Variants in PIK3AP1 observed in about 807,000 individuals in gnomAD.
The protein encoded by PIK3AP1 is phosphoinositide-3-kinase adaptor protein 1, also known as phosphoinositide 3-kinase adapter protein 1.
Under a neutral mutation model 88.1 loss-of-function variants are expected in PIK3AP1, and 21 were observed. The observed-to-expected ratio is 0.24, with a 90% CI of 0.17 to 0.34. The LOEUF is 0.34. Ranked by LOEUF, PIK3AP1 falls within the 10% of genes least tolerant of loss-of-function variation. PIK3AP1 has a pLI of 1.00. For missense variants in PIK3AP1, 828 were observed against 1,035.7 expected, an observed-to-expected ratio of 0.80 and a Z score of 2.75; for synonymous variants, 398 against 400.0, an observed-to-expected ratio of 1.00 and a Z score of 0.06.
rs1284232933 is a variant in PIK3AP1, at chr10:96,609,865, A to C, written c.2017T>G (p.Leu673Val). The C allele has an allele frequency of 3.7e-6, 6 of 1,613,902 alleles. No individual in the cohort carries two copies. The highest frequency in any genetic ancestry group is 5.1e-6 in the Non-Finnish European group (6 of 1,179,938). The change falls in exon 14 of 17, where the codon TTG (leucine) becomes GTG (valine). Residue 673 changes from leucine to valine, a missense_variant and splice_region_variant. Leu to Val is a conservative substitution (Grantham distance 32, BLOSUM62 1). This residue lies in a region of PIK3AP1 where 191 missense variants were observed against 208.6 expected (regional missense o/e 0.92). Coordinates refer to ENST00000339364, the MANE Select transcript of PIK3AP1 (RefSeq NM_152309.3). ...TGCCGAATTGGGACCGTGATCTCCA[A>C]GTCTGGAATTGGAGGAAAGAGGGAT... is the stretch of plus-strand genomic sequence containing the variant. ...EKQKSGKQTD[L>V]EITVPIRHSQ...
At chr10:96,638,013 T>C (rs575838760) in intron 8 of PIK3AP1, among the ~76,000 whole-genome samples, 1 of 152,310 alleles carries the variant, frequency 6.6e-6, no homozygotes, top group East Asian at 1.9e-4. Flanking sequence ...CTACGTACTT[T>C]GGACTTCTGA....
At chr10:96,641,255 T>C (rs531953464) in intron 8 of PIK3AP1, among the ~76,000 whole-genome samples, 1 of 152,272 alleles carries the variant, frequency 6.6e-6, no homozygotes, top group South Asian at 2.1e-4. Flanking sequence ...GAGCTTCCCC[T>C]ATAAGCTTCC....
chr10:96,716,283 T>TTAAA lies in PIK3AP1; in HGVS notation c.13+4095_13+4098dup, dbSNP rs556728068. The stretch of plus-strand genomic sequence containing the variant: ...GATGACAGAGTGAGACCCTGTCTCA[T>TTAAA]TAAATAAATAAATAAATAAATAAAT... On this transcript the variant is annotated intron_variant, in intron 1 of 16. Coordinates refer to ENST00000339364, the MANE Select transcript of PIK3AP1 (RefSeq NM_152309.3). 9.4e-3 allele frequency among the ~76,000 whole-genome samples: 1,430 copies of TTAAA among 151,956 alleles called. 15 individuals carry two copies. The highest frequency in any genetic ancestry group is 0.048 in the South Asian group (229 of 4,794).
At chr10:96,634,311 G>T (rs745531815) in intron 8 of PIK3AP1, among the ~76,000 whole-genome samples, 4 of 152,200 alleles carry the variant, frequency 2.6e-5, no homozygotes, top group Non-Finnish European at 5.9e-5. Context: ...AGGAGTAAAG[G>T]TACGGACAAG....
intron 2 of PIK3AP1, among the ~76,000 whole-genome samples, chr10:96,670,473 T>C (rs1843830473): frequency 6.6e-6 from 1 of 152,150 alleles, no homozygotes; most frequent in African/African-American, 2.4e-5. Context: ...TCCTCACTGG[T>C]ACTGGAGAGA....
intron 7 of PIK3AP1, among the ~76,000 whole-genome samples, chr10:96,647,205 TC>T (rs1843471655): frequency 6.6e-6 from 1 of 152,194 alleles, no homozygotes; most frequent in Non-Finnish European, 1.5e-5. Flanking sequence ...TCTTTAAACA[TC>T]CCAGTTAAAT....
chr10:96,594,780 A>C lies in PIK3AP1; in HGVS notation c.*797T>G, dbSNP rs963792093. 6.6e-6 allele frequency: 1 copy of C among 152,252 alleles called. No individual in the cohort carries two copies. The highest frequency in any genetic ancestry group is 1.5e-5 in the Non-Finnish European group (1 of 68,044). 9.4% of individuals were successfully genotyped at this position (152,252 alleles called of 1,614,324 possible). A position where few individuals can be genotyped will look rare whatever the true frequency, so the allele number is the denominator to read the frequency against. On this transcript the variant is annotated 3_prime_UTR_variant, in exon 17 of 17. Transcript: ENST00000339364. This position sits in a 1 kb window ranked among gnomAD's most constrained non-coding sequence, Gnocchi z 4.6. Reference sequence around the variant, plus strand: ...AAATTCCCAAATTGGAAAGAAAACAAACAAACTTGGTAGTCTCATGCCTGG... The same window carrying C: ...AAATTCCCAAATTGGAAAGAAAACACACAAACTTGGTAGTCTCATGCCTGG...
In PIK3AP1 at chr10:96,645,564, G is replaced by T. The variant is rs745786992; in HGVS notation, c.1284C>A (p.Asp428Glu). The T allele has an allele frequency of 6.2e-7, 1 of 1,614,010 alleles. No individual in the cohort carries two copies. The highest frequency in any genetic ancestry group is 8.5e-7 in the Non-Finnish European group (1 of 1,179,978). The change falls in exon 8 of 17, where the codon GAC (aspartate) becomes GAA (glutamate). Residue 428 changes from aspartate to glutamate, a missense_variant. Asp to Glu is a conservative substitution (Grantham distance 45). Coordinates refer to ENST00000339364, the MANE Select transcript of PIK3AP1 (RefSeq NM_152309.3). Reference sequence around the variant, plus strand: ...GGTTGAGCGAGCATTTCATAAGCAGGTCTGTGGAAAGGTGGGCCATGGACT... The same window carrying T: ...GGTTGAGCGAGCATTTCATAAGCAGTTCTGTGGAAAGGTGGGCCATGGACT... ...VYESMAHLSTDLLMKCSLNPG... is the reference protein window; with the variant it reads ...VYESMAHLSTELLMKCSLNPG...
intron 8 of PIK3AP1, among the ~76,000 whole-genome samples, chr10:96,643,539 C>T (rs1843419538): frequency 6.6e-6 from 1 of 152,198 alleles, no homozygotes; most frequent in Admixed American, 6.5e-5. Context: ...GAGCTTCCAC[C>T]AGCACTTCTA....
intron 8 of PIK3AP1, among the ~76,000 whole-genome samples, chr10:96,634,540 T>G (rs1843288316): frequency 6.6e-6 from 1 of 152,148 alleles, no homozygotes; most frequent in African/African-American, 2.4e-5. Flanking sequence ...GGCAAGTCAC[T>G]TGACATCACT....
intron 2 of PIK3AP1, among the ~76,000 whole-genome samples, chr10:96,686,317 T>C (rs1204269318): frequency 6.6e-6 from 1 of 152,202 alleles, no homozygotes; most frequent in Non-Finnish European, 1.5e-5. Context: ...GAGCCCACAC[T>C]GTGCTAAGCA....
At chr10:96,606,688 G>A (rs548349620) in intron 14 of PIK3AP1, among the ~76,000 whole-genome samples, 2 of 152,326 alleles carry the variant, frequency 1.3e-5, no homozygotes, top group East Asian at 3.9e-4. Context: ...TACCATCAGG[G>A]GAGAAGTATC....
In PIK3AP1 at chr10:96,609,744, T is replaced by C. The variant is rs1483463517; in HGVS notation, c.2138A>G (p.Asp713Gly). Residue 713 changes from aspartate (D) to glycine (G), a missense_variant, in exon 14 of 17, where the codon GAC becomes GGC. This residue lies in a region of PIK3AP1 where 191 missense variants were observed against 208.6 expected (regional missense o/e 0.92). Transcript: ENST00000339364. ...IPPRTELRRGDWKTDSTSSTA... is the reference protein window; with the variant it reads ...IPPRTELRRGGWKTDSTSSTA... ...GCTGGAGGTGCTGTCTGTTTTCCAG[T>C]CTCCTCGTCTCAGCTCCGTCCTAGG... The C allele has an allele frequency of 1.2e-6, 2 of 1,613,856 alleles. No individual in the cohort carries two copies. The highest frequency in any genetic ancestry group is 2.7e-5 in the African/African-American group (2 of 74,898).
chr10:96,675,927 G>C (rs1843912041), intron 2 of PIK3AP1, among the ~76,000 whole-genome samples: 1 of 152,184 alleles, frequency 6.6e-6, no homozygotes, highest in South Asian at 2.1e-4. Context: ...AGGGACGTGG[G>C]ACATGGCCTA....
At chr10:96,601,329 C>A (rs1356845998) in intron 16 of PIK3AP1, among the ~76,000 whole-genome samples, 1 of 151,852 alleles carries the variant, frequency 6.6e-6, no homozygotes, top group African/African-American at 2.4e-5. Flanking sequence ...CAAAAATTAG[C>A]CAGGCGTGGT....
rs79910830 is a variant in PIK3AP1 at position 96,652,897 on chromosome 10, T to C, written c.568-55A>G. 4.0e-3 allele frequency: 6,389 copies of C among 1,585,632 alleles called. 24 individuals carry two copies. The highest frequency in any genetic ancestry group is 0.015 in the African/African-American group (1,132 of 74,606). ...CTCCCTCTCAGATCCCCGTAGGGTG[T>C]TGGGCCCAAGGGTCTCCCCAGCTCT... On this transcript the variant is annotated intron_variant, in intron 3 of 16. Coordinates refer to ENST00000339364, the MANE Select transcript of PIK3AP1 (RefSeq NM_152309.3).
chr10:96,672,569 CT>C (rs36098365), intron 2 of PIK3AP1, among the ~76,000 whole-genome samples: 1 of 152,162 alleles, frequency 6.6e-6, no homozygotes, highest in Non-Finnish European at 1.5e-5. Context: ...CTTGTTGCTG[CT>C]TTTTTTAAAG....
intron 1 of PIK3AP1, among the ~76,000 whole-genome samples, chr10:96,711,228 T>C (rs1844433604): frequency 6.6e-6 from 1 of 152,240 alleles, no homozygotes; most frequent in African/African-American, 2.4e-5. Flanking sequence ...GGTTATTCCC[T>C]GGTTCCCAGT....
At chr10:96,609,971 T>C (rs2134189859) in intron 13 of PIK3AP1, 104 bp from the exon 14 acceptor site, 2 of 1,405,558 alleles carry the variant, frequency 1.4e-6, no homozygotes, top group East Asian at 2.3e-5. Context: ...GGAGCCTGCA[T>C]GGGAAGGGGA....
Sources: gnomAD v4.1 joint callset for allele counts (sites outside exome capture counted in the v4.1 genomes callset) on GRCh38, gnomAD v4.1.1 for gene constraint, gnomAD v4.1.1 regional missense constraint, Gnocchi (gnomAD v3.1) non-coding constraint, MANE v1.5 for transcripts, NCBI Gene and HGNC (gene_info 2026-07-23, HGNC 2026-07-21) for gene names.